The following RB1 variants were observed in gnomAD, a reference collection of about 807,000 sequenced individuals.
The protein encoded by RB1 is RB transcriptional corepressor 1, also known as retinoblastoma-associated protein.
Under a neutral mutation model 135.4 loss-of-function variants are expected in RB1, and 18 were observed. The ratio of observed to expected loss-of-function variants is 0.13; its 90% CI spans 0.09 to 0.20. The LOEUF (loss-of-function observed/expected upper bound fraction) is 0.20. Among genes scored for constraint, RB1 ranks in the 10% least tolerant of loss-of-function variants. The pLI is 1.00. For missense variants in RB1, 868 were observed against 1,110.0 expected (o/e 0.78, Z 3.10); for synonymous variants, 365 against 373.2 (o/e 0.98, Z 0.25).
At chr13:48,465,756 G>A (rs1311854249) in intron 23 of RB1, among the ~76,000 whole-genome samples, 16 of 151,434 alleles carry the variant, frequency 1.1e-4, no homozygotes, top group South Asian at 2.1e-4. Flanking sequence ...GAAGCGCAAG[G>A]GGTCAGGGAG....
At chr13:48,459,645 C>G (rs531504944) in intron 19 of RB1, 43 bp from the exon 20 acceptor site, 9 of 1,607,008 alleles carry the variant, frequency 5.6e-6, no homozygotes, top group Admixed American at 5.0e-5. Context: ...ACTTGTAATT[C>G]AAAATGAACA....
At chr13:48,321,701 C>T (rs184037623) in intron 2 of RB1, among the ~76,000 whole-genome samples, 163 of 152,082 alleles carry the variant, frequency 1.1e-3, no homozygotes, top group Middle Eastern at 3.4e-3. Context: ...ACTAAAAATA[C>T]AAAAATTAGC....
chr13:48,449,372 T>C (rs1949311848), intron 17 of RB1, among the ~76,000 whole-genome samples: 1 of 152,232 alleles, frequency 6.6e-6, no homozygotes, highest in African/African-American at 2.4e-5. Flanking sequence ...TTTTTTATCC[T>C]GTTACTCAGT....
intron 6 of RB1, among the ~76,000 whole-genome samples, chr13:48,353,062 T>A (rs1223340092): frequency 6.6e-6 from 1 of 151,708 alleles, no homozygotes; most frequent in Non-Finnish European, 1.5e-5. Flanking sequence ...AGTACAAAAA[T>A]AAGAGCAAAT....
intron 24 of RB1, among the ~76,000 whole-genome samples, chr13:48,475,552 G>A (rs1372722722): frequency 6.6e-6 from 1 of 152,216 alleles, no homozygotes; most frequent in Non-Finnish European, 1.5e-5. Context: ...AGGGAGGCAG[G>A]GAAATAAAGA....
chr13:48,395,344 C>G (rs1948639538), intron 17 of RB1, among the ~76,000 whole-genome samples: 1 of 152,090 alleles, frequency 6.6e-6, no homozygotes, highest in African/African-American at 2.4e-5. Flanking sequence ...CTTTTCTCTT[C>G]CAAAGAATGA....
intron 17 of RB1, among the ~76,000 whole-genome samples, chr13:48,425,358 C>A (rs1193111068): frequency 2.0e-5 from 3 of 152,170 alleles, no homozygotes; most frequent in Non-Finnish European, 4.4e-5. Context: ...TGCTATGTAA[C>A]CTAGTCCTAC....
At chr13:48,318,449 G>T in intron 2 of RB1, 1 of 1,431,908 alleles carries the variant, frequency 7.0e-7, no homozygotes. Context: ...TGTCTTCGGA[G>T]CTCTCCTTCT....
chr13:48,433,741 G>C (rs1039114494), intron 17 of RB1, among the ~76,000 whole-genome samples: 18 of 148,358 alleles, frequency 1.2e-4, no homozygotes, highest in African/African-American at 4.0e-4. Context: ...GATATCTTTT[G>C]GAAAACTTTC....
intron 17 of RB1, among the ~76,000 whole-genome samples, chr13:48,399,413 A>T (rs1221048135): frequency 6.6e-6 from 1 of 152,072 alleles, no homozygotes; most frequent in Non-Finnish European, 1.5e-5. Context: ...TTTAAGATAG[A>T]TAAGCAGAAA....
At chr13:48,345,640 A>G (rs1354044657) in intron 4 of RB1, among the ~76,000 whole-genome samples, 3 of 152,176 alleles carry the variant, frequency 2.0e-5, no homozygotes, top group African/African-American at 7.2e-5. Flanking sequence ...GACTTTTTCC[A>G]TTACAGTTCG....
intron 17 of RB1, chr13:48,411,586 C>G (rs1161123556): frequency 6.2e-7 from 1 of 1,613,150 alleles, no homozygotes; most frequent in South Asian, 1.1e-5. Flanking sequence ...TTGGAAACAG[C>G]AATACAGAGA....
chr13:48,318,623 G>A, intron 2 of RB1: 1 of 607,418 alleles, frequency 1.6e-6, no homozygotes, highest in East Asian at 3.1e-5. Flanking sequence ...GGCTGTGGTC[G>A]GCATCCTGGC....
intron 17 of RB1, among the ~76,000 whole-genome samples, chr13:48,390,245 G>A (rs889734657): frequency 1.2e-4 from 19 of 152,172 alleles, no homozygotes; most frequent in Admixed American, 8.5e-4. Context: ...GAAGTTGAAC[G>A]TAATGAATTT....
Position 48,408,554 on chromosome 13 carries a change from C to G in RB1, c.1695+27111C>G, listed in dbSNP as rs568110220. 236 of 152,076 alleles carry G rather than the reference C, an allele frequency of 1.6e-3. 1 individual carries two copies. The highest frequency in any genetic ancestry group is 5.6e-3 in the African/African-American group (231 of 41,484). The allele number at this position is 152,076 out of a possible 1,614,324, so 9.4% of individuals were successfully genotyped here. A position where few individuals can be genotyped will look rare whatever the true frequency, so the allele number is the denominator to read the frequency against. On this transcript the variant is annotated intron_variant, in intron 17 of 26. Coordinates refer to ENST00000267163, the MANE Select transcript of RB1 (RefSeq NM_000321.3). ...AATCAAAAGTAAAATCATCAGAGTTCTAATATTAATATAGGTTTTTCTGAA... is the reference window on the plus strand; with the variant it reads ...AATCAAAAGTAAAATCATCAGAGTTGTAATATTAATATAGGTTTTTCTGAA...
chr13:48,453,760 G>A (rs765081473), intron 18 of RB1, among the ~76,000 whole-genome samples: 1 of 152,082 alleles, frequency 6.6e-6, no homozygotes, highest in Non-Finnish European at 1.5e-5. Flanking sequence ...AAAAGGGTAT[G>A]GTAATCCACA....
At chr13:48,451,704 G>A (rs1180983091) in intron 17 of RB1, among the ~76,000 whole-genome samples, 1 of 150,684 alleles carries the variant, frequency 6.6e-6, no homozygotes, top group African/African-American at 2.4e-5. Context: ...TGTACCTCTG[G>A]TAGAATTCAG....
At chr13:48,436,796 TCCTCTTGCGAGGC>T (rs1244622016) in intron 17 of RB1, among the ~76,000 whole-genome samples, 2 of 152,210 alleles carry the variant, frequency 1.3e-5, no homozygotes, top group African/African-American at 4.8e-5. Context: ...TATTCTAGTT[TCCTCTTGCGAGGC>T]AAAACAGTCT....
intron 23 of RB1, among the ~76,000 whole-genome samples, chr13:48,472,686 C>T (rs1949478686): frequency 6.6e-6 from 1 of 151,996 alleles, no homozygotes; most frequent in South Asian, 2.1e-4. Flanking sequence ...AACACTCTAC[C>T]CAGTACATTT....
Sources: allele counts gnomAD v4.1 joint callset (sites outside exome capture counted in the v4.1 genomes callset), GRCh38; gene constraint gnomAD v4.1.1; transcripts MANE v1.5; gene names NCBI Gene and HGNC (gene_info 2026-07-23, HGNC 2026-07-21).